The following MADD variants were observed in gnomAD, a reference collection of about 807,000 sequenced individuals.
MADD encodes the protein MAP kinase-activating death domain protein.
In MADD, 109 loss-of-function variants were observed where a neutral mutation model predicts 176.7. The ratio of observed to expected loss-of-function variants is 0.62; its 90% CI spans 0.53 to 0.72. MADD has a LOEUF of 0.72. MADD is among the 30% of genes least tolerant of loss of function. MADD has a pLI of 0.00. For synonymous variants in MADD, 771 were observed against 771.3 expected (o/e 1.00, Z 0.01); for missense variants, 1,914 against 2,045.5 (o/e 0.94, Z 1.24).
At chr11:47,287,236 C>T (rs1397270974) in intron 15 of MADD, among the ~76,000 whole-genome samples, 7 of 152,088 alleles carry the variant, frequency 4.6e-5, no homozygotes, top group East Asian at 1.9e-4. Flanking sequence ...GCAGGAGAAT[C>T]GCTTGAATCC....
At chr11:47,274,572 C>T (rs1282893917) in exon 3 of MADD, 3 of 1,607,020 alleles carry the variant, frequency 1.9e-6, no homozygotes, top group South Asian at 2.2e-5. Context: ...GGCACCCGAG[C>T]AGTGATAGCG....
intron 22 of MADD, among the ~76,000 whole-genome samples, chr11:47,298,721 G>A (rs936149671): frequency 2.6e-5 from 4 of 152,054 alleles, no homozygotes; most frequent in Admixed American, 1.3e-4. Flanking sequence ...TTTGTTGCCT[G>A]TACTTTTGAG....
chr11:47,284,775 C>G (rs982485516), intron 12 of MADD, among the ~76,000 whole-genome samples, 166 bp from the exon 13 acceptor site: 2 of 152,194 alleles, frequency 1.3e-5, no homozygotes, highest in African/African-American at 4.8e-5. Context: ...GCTATGATCC[C>G]CCTTATATAG....
chr11:47,275,231 A>G (rs913851176), intron 3 of MADD, 72 bp downstream of exon 3: 18 of 1,356,914 alleles, frequency 1.3e-5, no homozygotes, highest in Non-Finnish European at 1.2e-5. Context: ...TGAGGGGCAT[A>G]GGAAATTTCC....
rs756989318 is a variant in MADD, at chr11:47,292,510, C to T, written c.3302-1373C>T. On this transcript the variant is annotated intron_variant, in intron 19 of 32. Transcript: ENST00000402192. ...GTCTGACCAGCCTCTGACTTTCTGT[C>T]TTTCTCTCCTGCTTGCATTGCATCT... is the stretch of plus-strand genomic sequence containing the variant. 3.7e-6 allele frequency: 6 copies of T among 1,607,376 alleles called. 1 individual carries two copies. In the South Asian group the frequency reaches 5.5e-5, roughly 15 times the overall value.
At chr11:47,296,129 G>A in intron 22 of MADD, 74 bp downstream of exon 24, 13 of 1,524,036 alleles carry the variant, frequency 8.5e-6, no homozygotes, top group South Asian at 1.2e-5. Flanking sequence ...AAGAATGAAA[G>A]TTAAGAGACG....
chr11:47,284,947 G>A, exon 13 of MADD: 1 of 1,613,642 alleles, frequency 6.2e-7, no homozygotes, highest in Non-Finnish European at 8.5e-7. Flanking sequence ...TTAGGAACCT[G>A]CTGACTCTAC....
At chr11:47,291,362 A>G (rs993414037) in intron 19 of MADD, among the ~76,000 whole-genome samples, 1 of 152,080 alleles carries the variant, frequency 6.6e-6, no homozygotes, top group African/African-American at 2.4e-5. Context: ...CTTGATTATA[A>G]TCTCGTTTAC....
rs113129735 is a variant in MADD at position 47,298,078 on chromosome 11, G to A, written c.3642+2023G>A. Among the ~76,000 whole-genome samples, 994 of 152,198 alleles carry A rather than the reference G, an allele frequency of 6.5e-3. 18 individuals carry two copies. The highest frequency in any genetic ancestry group is 0.022 in the African/African-American group (926 of 41,522). On this transcript the variant is annotated intron_variant, in intron 22 of 32. Transcript: ENST00000402192. ...GCTGGGATTACAGGCATGAGCCACCGCGCCCGGCCTTCTTTACATATTAGT... is the reference window on the plus strand; with the variant it reads ...GCTGGGATTACAGGCATGAGCCACCACGCCCGGCCTTCTTTACATATTAGT...
intron 21 of MADD, 56 bp from the exon 24 acceptor site, chr11:47,295,841 G>C: frequency 6.4e-7 from 1 of 1,563,384 alleles, no homozygotes; most frequent in African/African-American, 1.4e-5. Flanking sequence ...TAACAGCTTG[G>C]TATTTCTGGG....
chr11:47,311,107 C>G (rs1384796062), intron 25 of MADD, among the ~76,000 whole-genome samples: 1 of 152,166 alleles, frequency 6.6e-6, no homozygotes, highest in Non-Finnish European at 1.5e-5. Flanking sequence ...GAAAGGGAAA[C>G]ATAAATCTGG....
chr11:47,311,711 A>G (rs922378257), intron 25 of MADD, 21 bp from the exon 29 acceptor site: 9 of 1,447,782 alleles, frequency 6.2e-6, no homozygotes, highest in Non-Finnish European at 8.8e-6. Context: ...CCTTGTTAAG[A>G]GTCATGTGTT....
At chr11:47,322,404 A>G (rs10769252) in intron 27 of MADD, among the ~76,000 whole-genome samples, 59,841 of 151,878 alleles carry the variant, frequency 0.39, 12,680 homozygotes, top group East Asian at 0.69. Flanking sequence ...TCAGGAGATC[A>G]AGACTATCCT....
At position 47,326,556 on chromosome 11, in the gene MADD, C is replaced by T; in HGVS notation, c.4543-182C>T. The T allele has an allele frequency of 7.1e-7, 1 of 1,414,080 alleles. No individual in the cohort carries two copies. The highest frequency in any genetic ancestry group is 1.6e-5 in the South Asian group (1 of 62,260). The allele number at this position is 1,414,080 out of a possible 1,614,324, so 87.6% of individuals were successfully genotyped here. Reference sequence around the variant, plus strand: ...CTCCTCCGGCCAGGAGCGGAAGGTACATGCCCTTTCTGCTATCTTCGCTTC... The same window carrying T: ...CTCCTCCGGCCAGGAGCGGAAGGTATATGCCCTTTCTGCTATCTTCGCTTC... On this transcript the variant is annotated intron_variant, in intron 30 of 32. Transcript: ENST00000402192.
chr11:47,303,792 G>C (rs1390968656), intron 22 of MADD, among the ~76,000 whole-genome samples: 4 of 151,562 alleles, frequency 2.6e-5, no homozygotes, highest in African/African-American at 9.7e-5. Context: ...ATTTTTAGTA[G>C]AGATAGGATT....
intron 4 of MADD, 102 bp downstream of exon 4, chr11:47,276,304 C>A: frequency 8.3e-7 from 1 of 1,209,534 alleles, no homozygotes; most frequent in Non-Finnish European, 1.1e-6. Flanking sequence ...TATTTTTCAC[C>A]TTTTTGTCTT....
chr11:47,279,622 G>A (rs1305501373), intron 7 of MADD, among the ~76,000 whole-genome samples: 2 of 151,568 alleles, frequency 1.3e-5, no homozygotes, highest in African/African-American at 2.4e-5. Flanking sequence ...CTCATGATCC[G>A]CCTGCCTCAG....
Position 47,324,224 on chromosome 11 carries a change from G to A in MADD, c.4363-41G>A. 2.5e-6 allele frequency: 4 copies of A among 1,590,272 alleles called. No homozygotes were observed. The Admixed American group carries it at 5.0e-5, about 20-fold the overall frequency. On this transcript the variant is annotated intron_variant, in intron 28 of 32. Coordinates refer to ENST00000402192, the Ensembl canonical transcript of MADD. ...ATAGAGCAGTGGGTGGGGAACCCTGGACAGCCCTCATGATGGGACCACTCT... is the reference window on the plus strand; with the variant it reads ...ATAGAGCAGTGGGTGGGGAACCCTGAACAGCCCTCATGATGGGACCACTCT...
chr11:47,313,066 AG>A (rs2090757900), intron 26 of MADD, among the ~76,000 whole-genome samples: 1 of 152,228 alleles, frequency 6.6e-6, no homozygotes, highest in African/African-American at 2.4e-5. Flanking sequence ...CAGTTAATCA[AG>A]TGAGCCTGTT....
Sources: gnomAD v4.1 joint callset for allele counts (sites outside exome capture counted in the v4.1 genomes callset) on GRCh38, gnomAD v4.1.1 for gene constraint, MANE v1.5 for transcripts, NCBI Gene and HGNC (gene_info 2026-07-23, HGNC 2026-07-21) for gene names.